Variants in LDHB observed in about 807,000 individuals in gnomAD.
LDHB encodes L-lactate dehydrogenase B chain.
A neutral mutation model predicts 33.4 loss-of-function variants in LDHB; 18 were observed. That is an observed-to-expected ratio of 0.54 (90% confidence interval 0.37 to 0.80). LDHB has a LOEUF of 0.80. LDHB is among the 30% of genes least tolerant of loss of function. The pLI is 0.00. For missense variants in LDHB, 345 were observed against 407.9 expected (o/e 0.85, Z 1.33); for synonymous variants, 121 against 140.6 (o/e 0.86, Z 0.98).
chr12:21,645,000 A>G (rs1938481407), intron 3 of LDHB, among the ~76,000 whole-genome samples: 1 of 152,154 alleles, frequency 6.6e-6, no homozygotes, highest in South Asian at 2.1e-4. Flanking sequence ...AGAAGTAGAC[A>G]TTAAGAGACT....
chr12:21,639,979 G>A (rs866027917), intron 5 of LDHB, among the ~76,000 whole-genome samples: 24 of 152,028 alleles, frequency 1.6e-4, no homozygotes, highest in Middle Eastern at 3.4e-3. Context: ...TACTAAAATT[G>A]CATTTCAAAC....
chr12:21,645,244 C>CA (rs398116214), intron 3 of LDHB, among the ~76,000 whole-genome samples: 9 of 151,918 alleles, frequency 5.9e-5, no homozygotes, highest in East Asian at 3.9e-4. Context: ...TATGGAAGGC[C>CA]GCAGGGACCT....
chr12:21,641,945 T>G lies in LDHB; in HGVS notation c.595+7A>C. The G allele has an allele frequency of 6.2e-7, 1 of 1,605,018 alleles. No homozygotes were observed. The highest frequency in any genetic ancestry group is 8.5e-7 in the Non-Finnish European group (1 of 1,176,220). On this transcript the variant is annotated splice_region_variant and intron_variant, in intron 5 of 7. Transcript: ENST00000350669. ...CACAAGTAATTATTTCTTTTTTTTT[T>G]CTTTACCACTTGAGTCGCCATGTTC...
At chr12:21,651,849 T>C (rs1185747263) in intron 2 of LDHB, among the ~76,000 whole-genome samples, 1 of 152,254 alleles carries the variant, frequency 6.6e-6, no homozygotes, top group Non-Finnish European at 1.5e-5. Flanking sequence ...AGTCATTCTT[T>C]CCTGCATTTA....
intron 2 of LDHB, among the ~76,000 whole-genome samples, chr12:21,650,176 T>C (rs1006859127): frequency 1.3e-5 from 2 of 151,556 alleles, no homozygotes; most frequent in Admixed American, 1.3e-4. Flanking sequence ...GTGTTTAGTA[T>C]GCATAAAATT....
At chr12:21,640,292 T>C (rs997918493) in intron 5 of LDHB, among the ~76,000 whole-genome samples, 1 of 151,532 alleles carries the variant, frequency 6.6e-6, no homozygotes, top group Middle Eastern at 3.4e-3. Context: ...GAGAAAAATA[T>C]TAATTTAAAA....
intron 2 of LDHB, among the ~76,000 whole-genome samples, chr12:21,649,206 T>G (rs1277897280): frequency 6.6e-6 from 1 of 152,176 alleles, no homozygotes; most frequent in Non-Finnish European, 1.5e-5. Context: ...ATTTAGTGCT[T>G]AAGTAGAAAA....
At chr12:21,646,688 A>G (rs1265553328) in intron 3 of LDHB, among the ~76,000 whole-genome samples, 4 of 152,226 alleles carry the variant, frequency 2.6e-5, no homozygotes, top group African/African-American at 4.8e-5. Context: ...AAAAAGAGGG[A>G]AACATTTTAT....
chr12:21,647,404 G>C (rs74779898), intron 2 of LDHB, among the ~76,000 whole-genome samples: 1 of 152,222 alleles, frequency 6.6e-6, no homozygotes, highest in East Asian at 1.9e-4. Context: ...ATCACCAGGA[G>C]TGTGAGTTTA....
intron 1 of LDHB, among the ~76,000 whole-genome samples, chr12:21,655,722 C>T (rs1938825281): frequency 6.6e-6 from 1 of 151,858 alleles, no homozygotes; most frequent in Non-Finnish European, 1.5e-5. Flanking sequence ...CTAAAGACCC[C>T]TAAAATGTAA....
At chr12:21,642,906 C>T (rs988098100) in intron 4 of LDHB, among the ~76,000 whole-genome samples, 1 of 152,202 alleles carries the variant, frequency 6.6e-6, no homozygotes, top group African/African-American at 2.4e-5. Flanking sequence ...GGAAGTGACT[C>T]CCTGGAAAAT....
At chr12:21,645,372 C>T (rs1938492657) in intron 3 of LDHB, among the ~76,000 whole-genome samples, 1 of 152,074 alleles carries the variant, frequency 6.6e-6, no homozygotes, top group Admixed American at 6.6e-5. Context: ...TGTCCCCCAG[C>T]CCGACACTGG....
At position 21,645,577 on chromosome 12, in the gene LDHB, G is replaced by C. The variant is rs563751533; in HGVS notation, c.247+1322C>G. 1.5e-3 allele frequency among the ~76,000 whole-genome samples: 234 copies of C among 151,924 alleles called. 1 individual carries two copies. The highest frequency in any genetic ancestry group is 2.6e-3 in the Non-Finnish European group (178 of 67,920). ...GGTGGGACATGCTGGCAGCAATACT[G>C]CCCTTTAAGGCATTGAGATGTTTAT... On this transcript the variant is annotated intron_variant, in intron 3 of 7. Transcript: ENST00000350669.
chr12:21,642,594 A>G (rs1035439462), intron 4 of LDHB, among the ~76,000 whole-genome samples: 13 of 152,206 alleles, frequency 8.5e-5, no homozygotes, highest in African/African-American at 2.9e-4. Flanking sequence ...ATTCTTCAGT[A>G]AACAACTGTG....
intron 5 of LDHB, among the ~76,000 whole-genome samples, 177 bp downstream of exon 5, chr12:21,641,775 A>C (rs948056183): frequency 2.0e-5 from 3 of 152,172 alleles, no homozygotes; most frequent in African/African-American, 7.2e-5. Context: ...ATAGGTAGAT[A>C]GAGAGATGAG....
In LDHB at chr12:21,647,005, A is replaced by C. The variant is rs751798230; in HGVS notation, c.141T>G (p.Asp47Glu). 2.5e-6 allele frequency: 4 copies of C among 1,611,890 alleles called. No homozygotes were observed. Among genetic ancestry groups the C allele is most frequent in the Non-Finnish European group, 2.5e-6 (3 of 1,178,118 alleles). ...CCAAAACATCCACAAGAGCAAGTTC[A>C]TCAGCCAGAGACTGTAAACGCAAAA... Reference protein sequence around the residue: ...AISILGKSLADELALVDVLED... With the variant: ...AISILGKSLAEELALVDVLED... The change falls in exon 3 of 8, where the codon GAT becomes GAG. Residue 47 changes from aspartate (D) to glutamate (E), a missense_variant. By Grantham distance (45) the Asp-to-Glu change is conservative. Transcript: ENST00000350669.
At chr12:21,638,590 T>C in intron 5 of LDHB, 120 bp from the exon 6 acceptor site, 1 of 716,088 alleles carries the variant, frequency 1.4e-6, no homozygotes, top group Non-Finnish European at 2.4e-6. Flanking sequence ...CTGGAACTGC[T>C]CCAATAAGTG....
chr12:21,647,777 A>G (rs1171337745), intron 2 of LDHB, among the ~76,000 whole-genome samples: 4 of 28,832 alleles, frequency 1.4e-4, no homozygotes. Flanking sequence ...GCCCACTGCA[A>G]TCTCCACCTC....
intron 2 of LDHB, among the ~76,000 whole-genome samples, chr12:21,653,196 G>A (rs1303976940): frequency 2.6e-5 from 4 of 152,156 alleles, no homozygotes; most frequent in Admixed American, 6.5e-5. Context: ...AGCCTATGGA[G>A]GTATGTAAGA....
Sources: allele counts gnomAD v4.1 joint callset (sites outside exome capture counted in the v4.1 genomes callset), GRCh38; gene constraint gnomAD v4.1.1; transcripts MANE v1.5; gene names NCBI Gene and HGNC (gene_info 2026-07-23, HGNC 2026-07-21).